The following ANKRD13C variants were observed in gnomAD, a reference collection of about 807,000 sequenced individuals.
ANKRD13C encodes ankyrin repeat domain-containing protein 13C.
A neutral mutation model predicts 65.5 loss-of-function variants in ANKRD13C; 16 were observed. The observed-to-expected ratio is 0.24, with a 90% CI of 0.17 to 0.37. The LOEUF (loss-of-function observed/expected upper bound fraction) is 0.37. ANKRD13C is among the 10% of genes least tolerant of loss of function. ANKRD13C has a pLI of 1.00. For synonymous variants in ANKRD13C, 235 were observed against 238.7 expected (o/e 0.98, Z 0.14); for missense variants, 503 against 655.9 (o/e 0.77, Z 2.55).
intron 3 of ANKRD13C, among the ~76,000 whole-genome samples, chr1:70,322,237 AAAAT>A (rs1190282633): frequency 4.6e-5 from 7 of 152,276 alleles, no homozygotes; most frequent in Admixed American, 4.6e-4. Context: ...GGTCTCAAAA[AAAAT>A]AAATAAATAA....
At chr1:70,306,395 A>G (rs933811942) in intron 5 of ANKRD13C, 105 bp from the exon 6 acceptor site, 9 of 649,736 alleles carry the variant, frequency 1.4e-5, no homozygotes, top group Non-Finnish European at 2.2e-5. Flanking sequence ...TCAAATTATA[A>G]TAATTTCCTT....
chr1:70,306,926 G>T (rs1256258749), intron 5 of ANKRD13C, among the ~76,000 whole-genome samples: 2 of 152,054 alleles, frequency 1.3e-5, no homozygotes, highest in Non-Finnish European at 2.9e-5. Flanking sequence ...GCTATTTTGG[G>T]GAGATAGGAG....
At chr1:70,313,720 A>G in intron 5 of ANKRD13C, 25 bp downstream of exon 5, 4 of 1,565,822 alleles carry the variant, frequency 2.6e-6, no homozygotes, top group Non-Finnish European at 3.5e-6. Flanking sequence ...TACATATTTT[A>G]TACTAAAACA....
rs1681377040 is a variant in ANKRD13C, at chr1:70,323,021, C to T, written c.577+1832G>A. Among the ~76,000 whole-genome samples, 3 of 151,950 alleles carry T rather than the reference C, an allele frequency of 2.0e-5. No homozygotes were observed. In the South Asian group the frequency reaches 6.2e-4, roughly 32 times the overall value. ...AAAAAAAAAGAATAATTGAAAGTCA[C>T]AAAAGTCACACTAGACAGAAACCCA... On this transcript the variant is annotated intron_variant, in intron 3 of 12. Transcript: ENST00000370944.
chr1:70,314,703 A>G (rs1206652725), intron 4 of ANKRD13C, among the ~76,000 whole-genome samples: 6 of 152,022 alleles, frequency 3.9e-5, no homozygotes, highest in African/African-American at 1.2e-4. Flanking sequence ...AATATGAGTA[A>G]AACATTTTTC....
chr1:70,287,131 A>C (rs1458788572), intron 9 of ANKRD13C, among the ~76,000 whole-genome samples: 3 of 152,138 alleles, frequency 2.0e-5, no homozygotes, highest in African/African-American at 7.2e-5. Flanking sequence ...AATATTAAAA[A>C]TTTACACGAT....
intron 12 of ANKRD13C, among the ~76,000 whole-genome samples, chr1:70,268,731 T>A (rs1412126093): frequency 6.6e-6 from 1 of 152,016 alleles, no homozygotes; most frequent in Non-Finnish European, 1.5e-5. Flanking sequence ...GATTTGATGA[T>A]GAAAGAGGGT....
intron 9 of ANKRD13C, among the ~76,000 whole-genome samples, chr1:70,282,816 G>A (rs1397591417): frequency 6.6e-6 from 1 of 152,088 alleles, no homozygotes; most frequent in South Asian, 2.1e-4. Context: ...TAGAACCACA[G>A]CAAAGACTAA....
chr1:70,306,873 T>C (rs1176463640), intron 5 of ANKRD13C, among the ~76,000 whole-genome samples: 1 of 152,198 alleles, frequency 6.6e-6, no homozygotes, highest in Admixed American at 6.5e-5. Flanking sequence ...CTCATATACA[T>C]GCCACAAGCC....
intron 12 of ANKRD13C, among the ~76,000 whole-genome samples, chr1:70,263,794 T>C (rs1678486448): frequency 6.6e-6 from 1 of 152,054 alleles, no homozygotes. Context: ...CTATTTAAAA[T>C]AATAATAATA....
In ANKRD13C at chr1:70,338,404, T is replaced by TTG. The variant is rs142970743; in HGVS notation, c.431-2307_431-2306dup. 4.2e-4 allele frequency among the ~76,000 whole-genome samples: 63 copies of TTG among 151,802 alleles called. No individual in the cohort carries two copies. The South Asian group carries it at 4.8e-3, about 12-fold the overall frequency. On this transcript the variant is annotated intron_variant, in intron 1 of 12. Transcript: ENST00000370944. ...AAATGAAAATGTTTAAGAACAATTT[T>TTG]TGTGTGTGTGTGTGTGAGACAGAGT...
intron 9 of ANKRD13C, among the ~76,000 whole-genome samples, chr1:70,282,054 C>A (rs1336821131): frequency 7.6e-6 from 1 of 132,026 alleles, no homozygotes; most frequent in Non-Finnish European, 1.6e-5. Context: ...TACATATCAT[C>A]TTTTTTTTTT....
At chr1:70,347,955 C>T (rs1397032916) in intron 1 of ANKRD13C, among the ~76,000 whole-genome samples, 1 of 152,080 alleles carries the variant, frequency 6.6e-6, no homozygotes, top group African/African-American at 2.4e-5. Context: ...TAAAAAGAAA[C>T]CTACAAAACA....
At chr1:70,290,334 A>G (rs1292890504) in intron 9 of ANKRD13C, among the ~76,000 whole-genome samples, 1 of 152,218 alleles carries the variant, frequency 6.6e-6, no homozygotes, top group Non-Finnish European at 1.5e-5. Flanking sequence ...ACAATACTAT[A>G]GGGAAAGGAC....
At chr1:70,283,974 A>G (rs1465002091) in intron 9 of ANKRD13C, among the ~76,000 whole-genome samples, 1 of 152,182 alleles carries the variant, frequency 6.6e-6, no homozygotes, top group Non-Finnish European at 1.5e-5. Context: ...AGCTAAAAAT[A>G]CAAGAACAAG....
At chr1:70,323,788 G>C (rs1258932239) in intron 3 of ANKRD13C, among the ~76,000 whole-genome samples, 1 of 148,546 alleles carries the variant, frequency 6.7e-6, no homozygotes, top group East Asian at 2.1e-4. Context: ...GCAATGGTGC[G>C]ATCTCGGCTC....
rs148556147 is a variant in ANKRD13C, at chr1:70,267,619, T to G, written c.1495+3237A>C. Reference sequence around the variant, plus strand: ...AGACCATTTACATTTAATGGTATTATTAATATGTTAGGGCTTAGGTCTGCT... The same window carrying G: ...AGACCATTTACATTTAATGGTATTAGTAATATGTTAGGGCTTAGGTCTGCT... On this transcript the variant is annotated intron_variant, in intron 12 of 12. Coordinates refer to ENST00000370944, the MANE Select transcript of ANKRD13C (RefSeq NM_030816.5). Among the ~76,000 whole-genome samples, 619 of 152,362 alleles carry G rather than the reference T, an allele frequency of 4.1e-3. 5 individuals are homozygous for G. The highest frequency in any genetic ancestry group is 0.014 in the African/African-American group (571 of 41,584).
rs1314185989 is a variant in ANKRD13C, at chr1:70,292,568, T to C, written c.1054-19A>G. The C allele has an allele frequency of 1.9e-6, 3 of 1,564,922 alleles. No individual in the cohort carries two copies. Among genetic ancestry groups the C allele is most frequent in the East Asian group, 4.6e-5 (2 of 43,930 alleles). On this transcript the variant is annotated intron_variant, in intron 8 of 12. Coordinates refer to ENST00000370944, the MANE Select transcript of ANKRD13C (RefSeq NM_030816.5). ...CTCTTTCCTAAAACAAAACCAAATA[T>C]TTAAAAGTAAAATTTTTAGGTTAAA...
chr1:70,342,408 C>T lies in ANKRD13C; in HGVS notation c.431-6309G>A, dbSNP rs1020599837. Among the ~76,000 whole-genome samples, 7 of 152,150 alleles carry T rather than the reference C, an allele frequency of 4.6e-5. No individual in the cohort carries two copies. In the South Asian group the frequency reaches 1.0e-3, roughly 23 times the overall value. The stretch of plus-strand genomic sequence containing the variant: ...CAAAAATTAGCCGGGCATGGTGGCG[C>T]ATGCCTATAATCCCAGCTACTCAGG... On this transcript the variant is annotated intron_variant, in intron 1 of 12. Transcript: ENST00000370944.
Sources: gnomAD v4.1 joint callset for allele counts (sites outside exome capture counted in the v4.1 genomes callset) on GRCh38, gnomAD v4.1.1 for gene constraint, MANE v1.5 for transcripts, NCBI Gene and HGNC (gene_info 2026-07-23, HGNC 2026-07-21) for gene names.